Variants in MATN2 observed in about 807,000 individuals in gnomAD.
MATN2 encodes the protein matrilin 2.
Under a neutral mutation model 103.2 loss-of-function variants are expected in MATN2, and 69 were observed. The observed-to-expected ratio is 0.67, with a 90% CI of 0.55 to 0.82. MATN2 has a LOEUF of 0.82. Among genes scored for constraint, MATN2 ranks in the 40% least tolerant of loss-of-function variants. The probability of loss-of-function intolerance (pLI) is 0.00; values close to 1 mark genes in which losing one functional copy is unlikely to be tolerated. For synonymous variants in MATN2, 429 were observed against 450.2 expected, an observed-to-expected ratio of 0.95 and a Z score of 0.60; for missense variants, 1,023 against 1,211.5, an observed-to-expected ratio of 0.84 and a Z score of 2.31.
chr8:98,027,337 T>C (rs1027424587), intron 13 of MATN2, 79 bp from the exon 14 acceptor site: 45 of 1,321,398 alleles, frequency 3.4e-5, no homozygotes, highest in Non-Finnish European at 4.5e-5. Context: ...ATGCCTCCAA[T>C]TGAAGCATCA....
intron 2 of MATN2, among the ~76,000 whole-genome samples, chr8:97,891,933 C>T (rs1253324415): frequency 6.6e-6 from 1 of 151,534 alleles, no homozygotes; most frequent in African/African-American, 2.4e-5. Flanking sequence ...GATACCTTGT[C>T]TCTACAAAAA....
chr8:97,905,798 G>T (rs969998358), intron 2 of MATN2, among the ~76,000 whole-genome samples: 6 of 152,198 alleles, frequency 3.9e-5, no homozygotes, highest in African/African-American at 1.4e-4. Context: ...AAGTAGTTGG[G>T]ACTACAGGCA....
At chr8:97,942,029 A>T in intron 4 of MATN2, 130 bp downstream of exon 4, 1 of 1,218,778 alleles carries the variant, frequency 8.2e-7, no homozygotes, top group Non-Finnish European at 1.1e-6. Context: ...GGGGACAGAA[A>T]TAAAGTTTGG....
intron 5 of MATN2, among the ~76,000 whole-genome samples, chr8:97,962,449 A>T (rs146241103): frequency 1.3e-5 from 2 of 152,346 alleles, no homozygotes; most frequent in East Asian, 3.9e-4. Flanking sequence ...GCAAAACAAA[A>T]CAACAACAAA....
At chr8:97,991,437 T>G (rs1420098701) in intron 6 of MATN2, among the ~76,000 whole-genome samples, 1 of 152,180 alleles carries the variant, frequency 6.6e-6, no homozygotes, top group East Asian at 1.9e-4. Context: ...AAAATTATTT[T>G]TCTGCTGGGC....
At chr8:97,923,945 C>G (rs1007035776) in intron 2 of MATN2, among the ~76,000 whole-genome samples, 1 of 152,198 alleles carries the variant, frequency 6.6e-6, no homozygotes, top group African/African-American at 2.4e-5. Flanking sequence ...CTCCTATCTT[C>G]CCAGCTTACC....
At position 98,007,239 on chromosome 8, in the gene MATN2, C is replaced by T. The variant is rs756337544; in HGVS notation, c.1450+12C>T. Reference sequence around the variant, plus strand: ...CAAGACCTGCTCCCGTGAGTCCCTCCGCGCTCCTCTCATAGGGGAAGGTTT... The same window carrying T: ...CAAGACCTGCTCCCGTGAGTCCCTCTGCGCTCCTCTCATAGGGGAAGGTTT... On this transcript the variant is annotated intron_variant, in intron 9 of 18. Transcript: ENST00000254898. This position sits in a 1 kb window ranked among gnomAD's most constrained non-coding sequence, Gnocchi z 4.2. 6.2e-6 allele frequency: 10 copies of T among 1,613,514 alleles called. No individual in the cohort carries two copies. The highest frequency in any genetic ancestry group is 5.0e-5 in the Admixed American group (3 of 59,996).
At chr8:97,918,088 C>T (rs564054891) in intron 2 of MATN2, among the ~76,000 whole-genome samples, 1 of 151,218 alleles carries the variant, frequency 6.6e-6, no homozygotes, top group South Asian at 2.1e-4. Flanking sequence ...GACCCAGTCT[C>T]AAAAAAAGGA....
At chr8:97,897,304 C>T (rs556798430) in intron 2 of MATN2, among the ~76,000 whole-genome samples, 14 of 152,262 alleles carry the variant, frequency 9.2e-5, no homozygotes, top group South Asian at 4.2e-4. Context: ...GGGCATGAGC[C>T]GGAAAGACAA....
intron 4 of MATN2, among the ~76,000 whole-genome samples, chr8:97,959,760 T>A (rs893121320): frequency 1.3e-5 from 2 of 152,212 alleles, no homozygotes; most frequent in African/African-American, 4.8e-5. Context: ...TTAATGCATT[T>A]AATAGAGATG....
At chr8:97,968,573 A>G (rs921081597) in intron 5 of MATN2, among the ~76,000 whole-genome samples, 10 of 152,148 alleles carry the variant, frequency 6.6e-5, no homozygotes, top group Non-Finnish European at 4.4e-5. Context: ...CTTAAATTCA[A>G]ACTTCCACAG....
intron 4 of MATN2, among the ~76,000 whole-genome samples, chr8:97,948,293 A>G (rs1396502230): frequency 2.0e-5 from 3 of 152,224 alleles, no homozygotes; most frequent in Non-Finnish European, 4.4e-5. Context: ...AATGGCTGAG[A>G]AAGTGTCATG....
At chr8:98,000,454 G>A (rs1217203684) in intron 7 of MATN2, among the ~76,000 whole-genome samples, 2 of 151,664 alleles carry the variant, frequency 1.3e-5, no homozygotes, top group Non-Finnish European at 2.9e-5. Flanking sequence ...AAAATTAGCC[G>A]GGTGTGGTAG....
chr8:97,922,633 G>T (rs760265435), intron 2 of MATN2, among the ~76,000 whole-genome samples: 3 of 152,062 alleles, frequency 2.0e-5, no homozygotes, highest in Non-Finnish European at 4.4e-5. Flanking sequence ...TCCAGGCTGA[G>T]GGGGACAGGG....
At position 98,032,319 on chromosome 8, in the gene MATN2, TAC is replaced by T. The variant is rs756416127; in HGVS notation, c.2581+4_2581+5del. ...CAAAAACGGTCCAACAGCCAACAGG[TAC>T]AGTTTTTAAGGCAGTGTTTTTAGAA... On this transcript the variant is annotated splice_donor_region_variant and intron_variant, in intron 16 of 18. Coordinates refer to ENST00000254898, the MANE Select transcript of MATN2 (RefSeq NM_002380.5). 6.2e-7 allele frequency: 1 copy of T among 1,607,012 alleles called. No homozygotes were observed. Among genetic ancestry groups the T allele is most frequent in the African/African-American group, 1.3e-5 (1 of 74,918 alleles).
intron 10 of MATN2, among the ~76,000 whole-genome samples, chr8:98,010,410 C>T (rs992289196): frequency 2.6e-5 from 4 of 152,182 alleles, no homozygotes; most frequent in Non-Finnish European, 4.4e-5. Context: ...TAAATCGTGT[C>T]GCTTCTACCC....
At chr8:98,031,438 T>TA (rs2130456070) in intron 15 of MATN2, 1 of 152,138 alleles carries the variant, frequency 6.6e-6, no homozygotes, top group African/African-American at 2.4e-5. Context: ...AGCAGTATAA[T>TA]AAGTGTTTTG....
At chr8:97,970,052 G>A (rs1811606590) in intron 5 of MATN2, among the ~76,000 whole-genome samples, 1 of 152,238 alleles carries the variant, frequency 6.6e-6, no homozygotes, top group Non-Finnish European at 1.5e-5. Flanking sequence ...GAAGAAAACA[G>A]CTTTATTGAA....
chr8:98,033,414 C>A, intron 17 of MATN2, 147 bp from the exon 18 acceptor site: 1 of 641,650 alleles, frequency 1.6e-6, no homozygotes, highest in Non-Finnish European at 2.7e-6. Context: ...ACAGTGCTTT[C>A]CTGGTATTTA....
Sources: allele counts gnomAD v4.1 joint callset (sites outside exome capture counted in the v4.1 genomes callset), GRCh38; gene constraint gnomAD v4.1.1; non-coding constraint Gnocchi (gnomAD v3.1); transcripts MANE v1.5; gene names NCBI Gene and HGNC (gene_info 2026-07-23, HGNC 2026-07-21).